Variants in SOAT1 observed in about 807,000 individuals in gnomAD.
SOAT1 encodes acyl-coenzyme A:cholesterol acyltransferase 1.
Under a neutral mutation model 69.5 loss-of-function variants are expected in SOAT1, and 55 were observed. The ratio of observed to expected loss-of-function variants is 0.79; its 90% CI spans 0.64 to 0.99. The LOEUF is 0.99. SOAT1 is among the 50% of genes least tolerant of loss of function. The probability of loss-of-function intolerance (pLI) is 0.00; values close to 1 mark genes in which losing one functional copy is unlikely to be tolerated. For missense variants in SOAT1, 580 were observed against 669.3 expected (o/e 0.87, Z 1.47); for synonymous variants, 231 against 224.7 (o/e 1.03, Z -0.25).
At chr1:179,329,186 A>G (rs1440476299) in intron 3 of SOAT1, among the ~76,000 whole-genome samples, 1 of 152,140 alleles carries the variant, frequency 6.6e-6, no homozygotes, top group Non-Finnish European at 1.5e-5. Context: ...TCAGGATACA[A>G]AAATTAGCTG....
At chr1:179,337,811 C>A (rs780063561) in intron 4 of SOAT1, 26 bp from the exon 5 acceptor site, 1 of 1,560,466 alleles carries the variant, frequency 6.4e-7, no homozygotes, top group Non-Finnish European at 8.7e-7. Flanking sequence ...GTACTTATAT[C>A]TTGTTTTAAT....
At chr1:179,304,588 T>G (rs530521855) in intron 2 of SOAT1, among the ~76,000 whole-genome samples, 1 of 152,100 alleles carries the variant, frequency 6.6e-6, no homozygotes, top group South Asian at 2.1e-4. Context: ...CTTTTTCTCC[T>G]TTTTCTTCCC....
rs146731398 is a variant in SOAT1, at chr1:179,325,919, G to T, written c.177+2424G>T. On this transcript the variant is annotated intron_variant, in intron 3 of 15. Coordinates refer to ENST00000367619, the MANE Select transcript of SOAT1 (RefSeq NM_003101.6). ...TGGTCATTTAGGAGGATTAGAAGGAGAAAGTAATGAATGAAATAAGGGAAA... is the reference window on the plus strand; with the variant it reads ...TGGTCATTTAGGAGGATTAGAAGGATAAAGTAATGAATGAAATAAGGGAAA... 5.3e-5 allele frequency among the ~76,000 whole-genome samples: 8 copies of T among 152,312 alleles called. No homozygotes were observed. The East Asian group carries it at 1.5e-3, about 29-fold the overall frequency.
rs762911049 is a variant in SOAT1, at chr1:179,344,352, G to GTTTTTT, written c.988-595_988-594insTTTTTT. Among the ~76,000 whole-genome samples the GTTTTTT allele has an allele frequency of 1.8e-3, 213 of 120,542 alleles. 79 individuals are homozygous for GTTTTTT. Among genetic ancestry groups the GTTTTTT allele is most frequent in the African/African-American group, 2.0e-3 (66 of 33,306 alleles). 79.1% of individuals were successfully genotyped at this position (120,542 alleles called of 152,430 possible). A position where few individuals can be genotyped will look rare whatever the true frequency, so the allele number is the denominator to read the frequency against. ...TATGAAGTAAGTTCTTTCATTAAGG[G>GTTTTTT]GTTTTTTTTTTTTTTTTTTTTTTTT... On this transcript the variant is annotated intron_variant, in intron 10 of 15. Transcript: ENST00000367619.
At chr1:179,294,470 T>C (rs1355454102) in intron 1 of SOAT1, 2 of 152,224 alleles carry the variant, frequency 1.3e-5, no homozygotes, top group Non-Finnish European at 2.9e-5. Flanking sequence ...GAAAGGTTAT[T>C]TCTAAGTGAG....
intron 4 of SOAT1, among the ~76,000 whole-genome samples, chr1:179,337,033 T>A (rs1180401372): frequency 1.3e-5 from 2 of 152,150 alleles, no homozygotes; most frequent in Admixed American, 1.3e-4. Context: ...CCTCTCTATT[T>A]GCTATACAAT....
intron 2 of SOAT1, among the ~76,000 whole-genome samples, chr1:179,308,815 T>G (rs1665118962): frequency 6.7e-6 from 1 of 149,856 alleles, no homozygotes; most frequent in East Asian, 2.0e-4. Context: ...TCAAGTAACA[T>G]TTTTTTTTAC....
intron 2 of SOAT1, among the ~76,000 whole-genome samples, chr1:179,303,808 C>T (rs561130912): frequency 5.3e-5 from 8 of 152,244 alleles, no homozygotes; most frequent in East Asian, 3.9e-4. Context: ...ATTCTCCTTC[C>T]GTGATTTAGG....
intron 3 of SOAT1, among the ~76,000 whole-genome samples, chr1:179,325,511 G>C (rs1385075762): frequency 1.3e-5 from 2 of 152,050 alleles, no homozygotes; most frequent in Non-Finnish European, 2.9e-5. Flanking sequence ...TATTTCTCTA[G>C]TCAGGCAGGA....
rs780493206 is a variant in SOAT1, at chr1:179,348,894, G to GGT, written c.1268_1269dup (p.Val424TrpfsTer28). The stretch of plus-strand genomic sequence containing the variant: ...CCAACTATTATAGAACCTGGAATGT[G>GGT]GTGGTCCATGACTGGCTATATTACT... On this transcript the variant is annotated frameshift_variant, in exon 13 of 16. Transcript: ENST00000367619. LOFTEE classifies it high-confidence loss of function. The GGT allele has an allele frequency of 6.2e-7, 1 of 1,612,036 alleles. No homozygotes were observed. Among genetic ancestry groups the GGT allele is most frequent in the Non-Finnish European group, 8.5e-7 (1 of 1,178,448 alleles).
chr1:179,308,844 G>C (rs1198860463), intron 2 of SOAT1, among the ~76,000 whole-genome samples: 1 of 151,824 alleles, frequency 6.6e-6, no homozygotes, highest in Non-Finnish European at 1.5e-5. Flanking sequence ...TCATATTTGA[G>C]ATCTCTTCTG....
rs1472296116 is a variant in SOAT1, at chr1:179,343,627, T to C, written c.979T>C (p.Phe327Leu). 2 of 1,611,082 alleles carry C rather than the reference T, an allele frequency of 1.2e-6. No homozygotes were observed. The highest frequency in any genetic ancestry group is 2.7e-5 in the African/African-American group (2 of 74,840). Residue 327 changes from phenylalanine to leucine, a missense_variant, in exon 10 of 16, where the codon TTT (phenylalanine) becomes CTT (leucine). Transcript: ENST00000367619. ...TVRWGYVAMKFAQVFGCFFYV... is the reference protein window; with the variant it reads ...TVRWGYVAMKLAQVFGCFFYV... ...AAGATGGGGTTATGTCGCTATGAAG[T>C]TTGCACAGGTAAGTTTTTGTAACTG... is the stretch of plus-strand genomic sequence containing the variant.
In SOAT1 at chr1:179,344,352, G is replaced by GTTTTTTTTTTTTTT. The variant is rs762911049; in HGVS notation, c.988-595_988-594insTTTTTTTTTTTTTT. ...TATGAAGTAAGTTCTTTCATTAAGG[G>GTTTTTTTTTTTTTT]GTTTTTTTTTTTTTTTTTTTTTTTT... On this transcript the variant is annotated intron_variant, in intron 10 of 15. Coordinates refer to ENST00000367619, the MANE Select transcript of SOAT1 (RefSeq NM_003101.6). Among the ~76,000 whole-genome samples, 18 of 120,524 alleles carry GTTTTTTTTTTTTTT rather than the reference G, an allele frequency of 1.5e-4. 7 individuals carry two copies. Among genetic ancestry groups the GTTTTTTTTTTTTTT allele is most frequent in the South Asian group, 2.9e-4 (1 of 3,504 alleles). The allele number at this position is 120,524 out of a possible 152,430, so 79.1% of individuals were successfully genotyped here.
intron 3 of SOAT1, among the ~76,000 whole-genome samples, chr1:179,334,070 G>A (rs1666065687): frequency 6.6e-6 from 1 of 152,190 alleles, no homozygotes; most frequent in Non-Finnish European, 1.5e-5. Context: ...CATAGTCGCT[G>A]TGATTGTCAA....
At chr1:179,323,901 A>C (rs1010440112) in intron 3 of SOAT1, among the ~76,000 whole-genome samples, 1 of 152,230 alleles carries the variant, frequency 6.6e-6, no homozygotes, top group African/African-American at 2.4e-5. Flanking sequence ...CTCGAAAAAA[A>C]ATCATGAAAT....
intron 12 of SOAT1, 145 bp from the exon 13 acceptor site, chr1:179,348,699 A>G (rs1323366063): frequency 1.7e-6 from 1 of 600,660 alleles, no homozygotes; most frequent in African/African-American, 1.9e-5. Context: ...ATCACAGTAT[A>G]ATTTGATTTT....
chr1:179,310,917 A>C (rs778293968), intron 2 of SOAT1, among the ~76,000 whole-genome samples: 14 of 152,176 alleles, frequency 9.2e-5, no homozygotes, highest in Non-Finnish European at 1.9e-4. Flanking sequence ...CATCTTTATG[A>C]GTGTAATCAC....
rs1666722694 is a variant in SOAT1, at chr1:179,351,313, T to A, written c.1451-4T>A. 6.2e-7 allele frequency: 1 copy of A among 1,613,716 alleles called. No homozygotes were observed. Among genetic ancestry groups the A allele is most frequent in the Non-Finnish European group, 8.5e-7 (1 of 1,179,802 alleles). ...ATATTTCTTTGTTGCCTTCCTATTT[T>A]TAGTGGCTTTCAACTTCATTGTCAA... is the stretch of plus-strand genomic sequence containing the variant. On this transcript the variant is annotated splice_polypyrimidine_tract_variant and splice_region_variant and intron_variant, in intron 14 of 15. Coordinates refer to ENST00000367619, the MANE Select transcript of SOAT1 (RefSeq NM_003101.6).
intron 2 of SOAT1, among the ~76,000 whole-genome samples, chr1:179,317,835 T>A (rs942718727): frequency 1.3e-5 from 2 of 152,058 alleles, no homozygotes; most frequent in Admixed American, 6.5e-5. Flanking sequence ...ATAAAGATAT[T>A]TAGTATCTCA....
Sources: allele counts gnomAD v4.1 joint callset (sites outside exome capture counted in the v4.1 genomes callset), GRCh38; gene constraint gnomAD v4.1.1; transcripts MANE v1.5; gene names NCBI Gene and HGNC (gene_info 2026-07-23, HGNC 2026-07-21).